The following CTNNA3 variants were observed in gnomAD, a reference collection of about 807,000 sequenced individuals.
CTNNA3 encodes catenin alpha 3, also known as catenin alpha-3.
In CTNNA3, 76 loss-of-function variants were observed where a neutral mutation model predicts 95.7. The observed-to-expected ratio is 0.79, with a 90% CI of 0.66 to 0.96. The LOEUF is 0.96. Among genes scored for constraint, CTNNA3 ranks in the 40% least tolerant of loss-of-function variants. CTNNA3 has a pLI of 0.00. For synonymous variants in CTNNA3, 431 were observed against 374.4 expected, an observed-to-expected ratio of 1.15 and a Z score of -1.74; for missense variants, 1,191 against 1,089.8, an observed-to-expected ratio of 1.09 and a Z score of -1.31.
intron 7 of CTNNA3, among the ~76,000 whole-genome samples, chr10:66,836,010 A>T (rs1564713559): frequency 6.6e-6 from 1 of 152,132 alleles, no homozygotes; most frequent in African/African-American, 2.4e-5. Context: ...AATTAAATTA[A>T]TTTTTTAGGT....
At chr10:67,640,367 A>G (rs1839485731) in intron 2 of CTNNA3, among the ~76,000 whole-genome samples, 1 of 152,230 alleles carries the variant, frequency 6.6e-6, no homozygotes, top group Non-Finnish European at 1.5e-5. Context: ...ATACAAACAA[A>G]TGGAAGAACA....
intron 7 of CTNNA3, among the ~76,000 whole-genome samples, chr10:67,093,953 G>A (rs74703066): frequency 0.017 from 2,649 of 151,952 alleles, 83 homozygotes; most frequent in East Asian, 0.12. Flanking sequence ...AGGCAATACC[G>A]TGATGTCAGG....
At chr10:66,634,529 A>C (rs2132355182) in intron 9 of CTNNA3, among the ~76,000 whole-genome samples, 1 of 151,784 alleles carries the variant, frequency 6.6e-6, no homozygotes, top group Non-Finnish European at 1.5e-5. Flanking sequence ...TGATCTTAAT[A>C]ATGAATTTAA....
intron 11 of CTNNA3, among the ~76,000 whole-genome samples, chr10:66,481,563 C>T (rs1839534383): frequency 7.7e-6 from 1 of 130,480 alleles, no homozygotes; most frequent in African/African-American, 3.5e-5. Context: ...GCTCCGCCTC[C>T]CGGGTTCACG....
chr10:67,115,731 G>A (rs1859148683), intron 7 of CTNNA3, among the ~76,000 whole-genome samples: 1 of 151,728 alleles, frequency 6.6e-6, no homozygotes, highest in African/African-American at 2.4e-5. Context: ...TTTGTGATAG[G>A]AAATGGTTAA....
At chr10:66,612,066 T>C (rs1404691156) in intron 10 of CTNNA3, among the ~76,000 whole-genome samples, 2 of 152,138 alleles carry the variant, frequency 1.3e-5, no homozygotes, top group Non-Finnish European at 2.9e-5. Context: ...TTCCAATTTC[T>C]TCTAATATAA....
chr10:66,787,889 C>T (rs1340916851), intron 7 of CTNNA3, among the ~76,000 whole-genome samples: 2 of 152,132 alleles, frequency 1.3e-5, no homozygotes, highest in Non-Finnish European at 2.9e-5. Flanking sequence ...TGAACAGAGC[C>T]TGGAGAACAC....
intron 11 of CTNNA3, among the ~76,000 whole-genome samples, chr10:66,430,655 G>C (rs912110205): frequency 2.6e-5 from 4 of 152,082 alleles, no homozygotes; most frequent in Non-Finnish European, 5.9e-5. Flanking sequence ...AATGAGGAAA[G>C]GATTCCTTAT....
At chr10:65,958,287 A>G (rs574087326) in intron 17 of CTNNA3, among the ~76,000 whole-genome samples, 1 of 151,878 alleles carries the variant, frequency 6.6e-6, no homozygotes, top group East Asian at 1.9e-4. Flanking sequence ...CCATTCGTCA[A>G]ATTTTTTTTC....
intron 11 of CTNNA3, among the ~76,000 whole-genome samples, chr10:66,410,706 A>G (rs1381182995): frequency 6.6e-6 from 1 of 152,158 alleles, no homozygotes; most frequent in East Asian, 1.9e-4. Context: ...AATCTTTGTC[A>G]GGACCCTATC....
chr10:67,008,728 A>G (rs1852154611), intron 7 of CTNNA3, among the ~76,000 whole-genome samples: 1 of 152,168 alleles, frequency 6.6e-6, no homozygotes, highest in Admixed American at 6.6e-5. Flanking sequence ...TTCATCCTCC[A>G]GTAGGCTAGC....
At position 66,978,545 on chromosome 10, in the gene CTNNA3, A is replaced by ATAAAAAT. The variant is rs1213465920; in HGVS notation, c.1047+201771_1047+201772insATTTTTA. On this transcript the variant is annotated intron_variant, in intron 7 of 17. Coordinates refer to ENST00000433211, the MANE Select transcript of CTNNA3 (RefSeq NM_013266.4). ...CCATCTCAAAAAAAAAAAAAAAAAA[A>ATAAAAAT]AAAAAAAATATATATATATATATAT... Among the ~76,000 whole-genome samples the ATAAAAAT allele has an allele frequency of 4.4e-4, 50 of 114,152 alleles. 1 individual carries two copies. Among genetic ancestry groups the ATAAAAAT allele is most frequent in the Middle Eastern group, 8.5e-3 (2 of 234 alleles). 74.9% of individuals were successfully genotyped at this position (114,152 alleles called of 152,430 possible).
intron 5 of CTNNA3, among the ~76,000 whole-genome samples, chr10:67,225,385 C>T (rs904007700): frequency 2.0e-5 from 3 of 152,188 alleles, no homozygotes; most frequent in Non-Finnish European, 2.9e-5. Context: ...ATGCTCTCTA[C>T]AAAACCCCAT....
intron 5 of CTNNA3, among the ~76,000 whole-genome samples, chr10:67,290,490 C>T (rs1351477198): frequency 1.3e-5 from 2 of 152,082 alleles, no homozygotes; most frequent in Non-Finnish European, 2.9e-5. Flanking sequence ...AAAATCATGG[C>T]TAATATTTAT....
intron 10 of CTNNA3, among the ~76,000 whole-genome samples, chr10:66,601,642 G>A (rs556415658): frequency 9.9e-4 from 151 of 151,866 alleles, no homozygotes; most frequent in Non-Finnish European, 1.4e-3. Flanking sequence ...AATTACCCTT[G>A]TCACATTCTC....
chr10:67,248,395 G>T lies in CTNNA3; in HGVS notation c.580-28525C>A, dbSNP rs116545393. On this transcript the variant is annotated intron_variant, in intron 5 of 17. Coordinates refer to ENST00000433211, the MANE Select transcript of CTNNA3 (RefSeq NM_013266.4). Reference sequence around the variant, plus strand: ...GCTAGGGCAACTGGATTCTTTTTTCGTGTTTTTTGTTTTTGTTTTTGTTTT... The same window carrying T: ...GCTAGGGCAACTGGATTCTTTTTTCTTGTTTTTTGTTTTTGTTTTTGTTTT... 6.9e-3 allele frequency among the ~76,000 whole-genome samples: 1,051 copies of T among 152,062 alleles called. 9 individuals are homozygous for T. The highest frequency in any genetic ancestry group is 0.019 in the African/African-American group (800 of 41,484).
intron 17 of CTNNA3, among the ~76,000 whole-genome samples, chr10:65,945,337 T>C (rs1310691519): frequency 6.6e-6 from 1 of 152,164 alleles, no homozygotes; most frequent in African/African-American, 2.4e-5. Context: ...TTAGTTTTAA[T>C]TTTACGTTAA....
chr10:66,603,897 T>C (rs1226148095), intron 10 of CTNNA3, among the ~76,000 whole-genome samples: 2 of 152,110 alleles, frequency 1.3e-5, no homozygotes, highest in Non-Finnish European at 2.9e-5. Context: ...TAAGAGTAGA[T>C]TCCCATCTTT....
At chr10:66,062,061 C>T (rs143203341) in intron 15 of CTNNA3, among the ~76,000 whole-genome samples, 60 of 152,098 alleles carry the variant, frequency 3.9e-4, no homozygotes, top group African/African-American at 1.4e-3. Context: ...GCTTGTGTGT[C>T]CTTGGGCAAT....
Sources: allele counts gnomAD v4.1 joint callset (sites outside exome capture counted in the v4.1 genomes callset), GRCh38; gene constraint gnomAD v4.1.1; transcripts MANE v1.5; gene names NCBI Gene and HGNC (gene_info 2026-07-23, HGNC 2026-07-21).